The following LTBP3 variants were observed in gnomAD, a reference collection of about 807,000 sequenced individuals.
The protein encoded by LTBP3 is latent-transforming growth factor beta-binding protein 3.
In LTBP3, 97 loss-of-function variants were observed where a neutral mutation model predicts 159.7. The ratio of observed to expected loss-of-function variants is 0.61; its 90% CI spans 0.52 to 0.72. The LOEUF (loss-of-function observed/expected upper bound fraction) is 0.72, where lower values mean the gene tolerates loss of function less well. Among genes scored for constraint, LTBP3 ranks in the 30% least tolerant of loss-of-function variants. The pLI, the probability that LTBP3 is intolerant of heterozygous loss-of-function variation, is 0.00. For synonymous variants in LTBP3, 824 were observed against 777.1 expected, an observed-to-expected ratio of 1.06 and a Z score of -1.00; for missense variants, 1,584 against 1,864.3, an observed-to-expected ratio of 0.85 and a Z score of 2.77.
In LTBP3 at chr11:65,540,107, G is replaced by C. The variant is rs564951728; in HGVS notation, c.3291C>G (p.Cys1097Trp). 1 of 1,526,422 alleles carries C rather than the reference G, an allele frequency of 6.6e-7. No individual in the cohort carries two copies. The highest frequency in any genetic ancestry group is 1.4e-5 in the African/African-American group (1 of 72,414). The allele number at this position is 1,526,422 out of a possible 1,614,324, so 94.6% of individuals were successfully genotyped here. The change falls in exon 24 of 28, where the codon TGC (cysteine) becomes TGG (tryptophan). Residue 1097 changes from cysteine (C) to tryptophan (W), a missense_variant. This residue lies in a region of LTBP3 where 514 missense variants were observed against 530.3 expected (regional missense o/e 0.97). Coordinates refer to ENST00000301873, the MANE Select transcript of LTBP3 (RefSeq NM_001130144.3). Reference protein sequence around the residue: ...QDPAACRPGRCVNLPGSYRCE... With the variant: ...QDPAACRPGRWVNLPGSYRCE... Reference sequence around the variant, plus strand: ...AGCGGTAGGAGCCCGGCAGGTTGACGCAGCGGCCAGGGCGGCAGGCTGCCG... The same window carrying C: ...AGCGGTAGGAGCCCGGCAGGTTGACCCAGCGGCCAGGGCGGCAGGCTGCCG...
chr11:65,551,179 G>C lies in LTBP3; in HGVS notation c.1667C>G (p.Pro556Arg), dbSNP rs989754674. The change falls in exon 11 of 28, where the codon CCG (proline) becomes CGG (arginine). Residue 556 changes from proline to arginine, a missense_variant. Pro to Arg is a moderately radical substitution (Grantham distance 103, BLOSUM62 -2). This residue lies in a region of LTBP3 where 565 missense variants were observed against 677.7 expected (regional missense o/e 0.83). Coordinates refer to ENST00000301873, the MANE Select transcript of LTBP3 (RefSeq NM_001130144.3). ...GGCGCTGCGGGAAGGAGGCAAGTCC[G>C]GCAGGAACCAGCGCATGGTCGGGGG... ...PSPPTMRWFL[P>R]DLPPSRSAVE... is the part of the protein sequence containing the mutation. 8 of 1,552,604 alleles carry C rather than the reference G, an allele frequency of 5.2e-6. No individual in the cohort carries two copies. The highest frequency in any genetic ancestry group is 6.1e-6 in the Non-Finnish European group (7 of 1,148,618).
At position 65,538,880 on chromosome 11, in the gene LTBP3, C is replaced by T; in HGVS notation, c.*200G>A. The T allele has an allele frequency of 5.0e-6, 5 of 1,004,468 alleles. No homozygotes were observed. The highest frequency in any genetic ancestry group is 3.8e-5 in the Admixed American group (1 of 26,440). The allele number at this position is 1,004,468 out of a possible 1,614,324, so 62.2% of individuals were successfully genotyped here. Reference sequence around the variant, plus strand: ...CACCCTCTGGGAGGAAGGCAGGCAGCGCCCGCCGGAGACCTTACAACCGCC... The same window carrying T: ...CACCCTCTGGGAGGAAGGCAGGCAGTGCCCGCCGGAGACCTTACAACCGCC... On this transcript the variant is annotated 3_prime_UTR_variant, in exon 28 of 28. Transcript: ENST00000301873.
rs1345011257 is a variant in LTBP3 at position 65,557,893 on chromosome 11, GC to G, written c.66del (p.Leu23CysfsTer47). On this transcript the variant is annotated frameshift_variant, in exon 1 of 28. Transcript: ENST00000301873. LOFTEE classifies it high-confidence loss of function. ...AGCAGCAGCAGCAGCAGCGCCAGCA[GC>G]CCCGCCGCCCCCGCCCCGCGCATCT... ...APEMRGAGAAGLLALLLLLLL... is the reference protein window; with the variant it reads ...APEMRGAGAAXLLALLLLLLL... The G allele has an allele frequency of 3.2e-6, 4 of 1,257,196 alleles. No individual in the cohort carries two copies. The highest frequency in any genetic ancestry group is 2.9e-5 in the Admixed American group (1 of 34,880). 77.9% of individuals were successfully genotyped at this position (1,257,196 alleles called of 1,614,324 possible). A position where few individuals can be genotyped will look rare whatever the true frequency, so the allele number is the denominator to read the frequency against.
In LTBP3 at chr11:65,554,479, C is replaced by T; in HGVS notation, c.332-99G>A. On this transcript the variant is annotated intron_variant, in intron 1 of 27. Transcript: ENST00000301873. This position sits in a 1 kb window ranked among gnomAD's most constrained non-coding sequence, Gnocchi z 5.3. The stretch of plus-strand genomic sequence containing the variant: ...CACTGGCTCTGTCCTCTTGGGAAGC[C>T]AGGTTTTGAGATACATCCTACATAG... The T allele has an allele frequency of 1.0e-6, 1 of 991,848 alleles. No homozygotes were observed. The allele number at this position is 991,848 out of a possible 1,614,324, so 61.4% of individuals were successfully genotyped here.
intron 1 of LTBP3, among the ~76,000 whole-genome samples, chr11:65,556,797 G>T (rs907726767): frequency 2.6e-5 from 4 of 152,166 alleles, no homozygotes; most frequent in African/African-American, 7.2e-5. Flanking sequence ...GTGCCATCCT[G>T]GGCCTGGCCT....
rs768453693 is a variant in LTBP3, at chr11:65,552,330, G to C, written c.1263C>G (p.Thr421=). The C allele has an allele frequency of 1.2e-6, 2 of 1,613,966 alleles. No homozygotes were observed. Among genetic ancestry groups the C allele is most frequent in the African/African-American group, 2.7e-5 (2 of 74,924 alleles). The part of the protein sequence containing the change: ...PEHQCQHPLT[T]RLTRQLCCCS... ...AGCAGCAGAGCTGGCGGGTCAGGCG[G>C]GTGGTCAGTGGGTGCTGGCACTGGT... Residue 421 remains threonine (T), a synonymous_variant, in exon 7 of 28, where the codon ACC becomes ACG. Transcript: ENST00000301873. This position sits in a 1 kb window ranked among gnomAD's most constrained non-coding sequence, Gnocchi z 6.0.
chr11:65,543,213 A>G lies in LTBP3; in HGVS notation c.2488T>C (p.Cys830Arg), dbSNP rs1856230265. ...CCAATGCAGGCTGCAGGGAAGTCAC[A>G]CTCATCAATGTCTGTAGGGGATGGA... is the stretch of plus-strand genomic sequence containing the variant. ...DRSHCEDIDE[C>R]DFPAACIGGD... Residue 830 changes from cysteine to arginine, a missense_variant, in exon 18 of 28, where the codon TGT becomes CGT. Around this residue, in one of 6 missense-constraint regions of LTBP3, gnomAD observed 565 missense variants for 677.7 expected, o/e 0.83. Transcript: ENST00000301873. 5.0e-6 allele frequency: 8 copies of G among 1,614,008 alleles called. No individual in the cohort carries two copies. Among genetic ancestry groups the G allele is most frequent in the Non-Finnish European group, 6.8e-6 (8 of 1,179,980 alleles).
chr11:65,543,698 A>G, intron 16 of LTBP3, 149 bp from the exon 17 acceptor site: 1 of 1,046,532 alleles, frequency 9.6e-7, no homozygotes, highest in Non-Finnish European at 1.4e-6. Flanking sequence ...TGGGTGGCAC[A>G]CAGTGCCCTG....
At chr11:65,557,305 A>G (rs923122780) in intron 1 of LTBP3, among the ~76,000 whole-genome samples, 2 of 152,094 alleles carry the variant, frequency 1.3e-5, no homozygotes, top group Non-Finnish European at 2.9e-5. Context: ...CCCGGCTCAC[A>G]TTCCTCAAAA....
Position 65,539,035 on chromosome 11 carries a change from C to T in LTBP3, c.*45G>A, listed in dbSNP as rs748361504. ...AAGTGAGGCCGAGCTCGCGGAAATC[C>T]CTCAGTGATCACCGAGGTCTGGGCC... On this transcript the variant is annotated 3_prime_UTR_variant, in exon 28 of 28. Coordinates refer to ENST00000301873, the MANE Select transcript of LTBP3 (RefSeq NM_001130144.3). 7.5e-6 allele frequency: 10 copies of T among 1,336,226 alleles called. No homozygotes were observed. Among genetic ancestry groups the T allele is most frequent in the Admixed American group, 3.9e-5 (1 of 25,822 alleles). The allele number at this position is 1,336,226 out of a possible 1,614,324, so 82.8% of individuals were successfully genotyped here. A position where few individuals can be genotyped will look rare whatever the true frequency, so the allele number is the denominator to read the frequency against.
Position 65,541,256 on chromosome 11 carries a change from C to T in LTBP3, c.2763G>A (p.Leu921=), listed in dbSNP as rs769503671. Residue 921 remains leucine, a synonymous_variant, in exon 20 of 28, where the codon CTG becomes CTA. Transcript: ENST00000301873. The part of the protein sequence containing the change: ...EQPHHKKECY[L]NFDDTVFCDS... ...CGCAGAACACTGTGTCATCGAAGTT[C>T]AGGTAGCACTCCTTCTTGTGGTGGG... 2.5e-6 allele frequency: 4 copies of T among 1,613,352 alleles called. No homozygotes were observed. In the East Asian group the frequency reaches 8.9e-5, roughly 36 times the overall value.
chr11:65,539,296 G>GGCCCTGCCCCCA, intron 27 of LTBP3, 32 bp downstream of exon 27: 1 of 596,140 alleles, frequency 1.7e-6, no homozygotes, highest in Non-Finnish European at 2.9e-6. Context: ...CACCGGCCCC[G>GGCCCTGCCCCCA]CCCCTGCCCC....
rs892106203 is a variant in LTBP3, at chr11:65,538,686, C to T, written c.*394G>A. The T allele has an allele frequency of 3.8e-5, 48 of 1,269,738 alleles. No homozygotes were observed. In the Admixed American group the frequency reaches 1.1e-3, roughly 29 times the overall value. 78.7% of individuals were successfully genotyped at this position (1,269,738 alleles called of 1,614,324 possible). ...TCTCACGTGTACATAATCAGAGCCA[C>T]AATAAATTCTATTTCACACCCCTTG... On this transcript the variant is annotated 3_prime_UTR_variant, in exon 28 of 28. Transcript: ENST00000301873.
At chr11:65,539,903 AG>A in intron 24 of LTBP3, 22 bp from the exon 25 acceptor site, 1 of 1,503,430 alleles carries the variant, frequency 6.7e-7, no homozygotes, top group South Asian at 1.2e-5. Context: ...ACCTGGCATC[AG>A]GGGAGGGGCC....
At chr11:65,541,574 G>C (rs375941387) in intron 19 of LTBP3, 26 bp downstream of exon 19, 6 of 1,613,994 alleles carry the variant, frequency 3.7e-6, no homozygotes, top group South Asian at 2.2e-5. Flanking sequence ...TGTCCAGTCC[G>C]AGGGAGGAGC....
At position 65,547,726 on chromosome 11, in the gene LTBP3, G is replaced by A. The variant is rs763889449; in HGVS notation, c.1942C>T (p.Arg648Cys). 6.2e-7 allele frequency: 1 copy of A among 1,605,878 alleles called. No individual in the cohort carries two copies. The highest frequency in any genetic ancestry group is 2.2e-5 in the East Asian group (1 of 44,704). Reference sequence around the variant, plus strand: ...CGCCCCCCGGCGCCCACGTGCAGGCGGTAGCCGCGGTTGCAGTGGCAATTG... The same window carrying A: ...CGCCCCCCGGCGCCCACGTGCAGGCAGTAGCCGCGGTTGCAGTGGCAATTG... ...SYNCHCNRGY[R>C]LHVGAGGRSC... is the part of the protein sequence containing the mutation. The change falls in exon 13 of 28, where the codon CGC becomes TGC. Residue 648 changes from arginine to cysteine, a missense_variant. Arg to Cys is a radical substitution (Grantham distance 180, BLOSUM62 -3). Coordinates refer to ENST00000301873, the MANE Select transcript of LTBP3 (RefSeq NM_001130144.3). The surrounding 1 kb of genome is among the most constrained non-coding windows in gnomAD (Gnocchi z 4.6).
intron 19 of LTBP3, 75 bp from the exon 20 acceptor site, chr11:65,541,368 G>T (rs992590330): frequency 6.4e-7 from 1 of 1,556,468 alleles, no homozygotes; most frequent in Non-Finnish European, 8.8e-7. Flanking sequence ...CCCACCACAG[G>T]TCTTTCCCCC....
rs866479393 is a variant in LTBP3, at chr11:65,554,138, C to T, written c.574G>A (p.Ala192Thr). ...CCCTCCCCGGGCCCAGGAGGGTCAGCGATCACCTGGACGGCGTAGATGGCG... is the reference window on the plus strand; with the variant it reads ...CCCTCCCCGGGCCCAGGAGGGTCAGTGATCACCTGGACGGCGTAGATGGCG... ...KHAIYAVQVIADPPGPGEGPP... is the reference protein window; with the variant it reads ...KHAIYAVQVITDPPGPGEGPP... The change falls in exon 2 of 28, where the codon GCT becomes ACT. Residue 192 changes from alanine to threonine, a missense_variant. By Grantham distance (58) the Ala-to-Thr change is moderately conservative. Around this residue, in one of 6 missense-constraint regions of LTBP3, gnomAD observed 194 missense variants for 198.7 expected, o/e 0.98. Coordinates refer to ENST00000301873, the MANE Select transcript of LTBP3 (RefSeq NM_001130144.3). This position sits in a 1 kb window ranked among gnomAD's most constrained non-coding sequence, Gnocchi z 5.3. 1 of 1,611,814 alleles carries T rather than the reference C, an allele frequency of 6.2e-7. No individual in the cohort carries two copies. The highest frequency in any genetic ancestry group is 8.5e-7 in the Non-Finnish European group (1 of 1,179,612).
At chr11:65,548,391 A>C in intron 11 of LTBP3, 1 of 548,042 alleles carries the variant, frequency 1.8e-6, no homozygotes, top group South Asian at 2.1e-5. Context: ...AGGGACTAAA[A>C]CTCCTTTCTC....
Sources: allele counts gnomAD v4.1 joint callset (sites outside exome capture counted in the v4.1 genomes callset), GRCh38; gene constraint gnomAD v4.1.1; regional missense constraint gnomAD v4.1.1; non-coding constraint Gnocchi (gnomAD v3.1); transcripts MANE v1.5; gene names NCBI Gene and HGNC (gene_info 2026-07-23, HGNC 2026-07-21).